The following PDE4B variants were observed in gnomAD, a reference collection of about 807,000 sequenced individuals.
The protein encoded by PDE4B is 3',5'-cyclic-AMP phosphodiesterase 4B.
In PDE4B, 20 loss-of-function variants were observed where a neutral mutation model predicts 82.2. The observed-to-expected ratio is 0.24, with a 90% CI of 0.17 to 0.35. PDE4B has a LOEUF of 0.35. Ranked by LOEUF, PDE4B falls within the 10% of genes least tolerant of loss-of-function variation. The pLI, the probability that PDE4B is intolerant of heterozygous loss-of-function variation, is 1.00. For synonymous variants in PDE4B, 320 were observed against 318.9 expected (o/e 1.00, Z -0.04); for missense variants, 655 against 907.2 (o/e 0.72, Z 3.57).
Position 66,319,128 on chromosome 1 carries a change from T to C in PDE4B, c.635-13380T>C, listed in dbSNP as rs185930681. 3.6e-3 allele frequency among the ~76,000 whole-genome samples: 553 copies of C among 152,366 alleles called. 1 individual carries two copies. Among genetic ancestry groups the C allele is most frequent in the Non-Finnish European group, 6.1e-3 (416 of 68,038 alleles). ...ATACAATGCGATTTTCATAAAGTGA[T>C]GTATCCAAGGTCGTGTGTGATCTGA... On this transcript the variant is annotated intron_variant, in intron 7 of 16. Coordinates refer to ENST00000341517, the MANE Select transcript of PDE4B (RefSeq NM_002600.4).
At chr1:65,997,104 T>C (rs2100694636) in intron 3 of PDE4B, among the ~76,000 whole-genome samples, 1 of 152,200 alleles carries the variant, frequency 6.6e-6, no homozygotes, top group Middle Eastern at 3.4e-3. Flanking sequence ...AGAAAGCTAC[T>C]GCAATGGTCT....
intron 3 of PDE4B, among the ~76,000 whole-genome samples, chr1:66,040,808 T>C (rs529742141): frequency 7.2e-5 from 11 of 151,876 alleles, no homozygotes; most frequent in African/African-American, 2.4e-4. Context: ...TCAAGTGTTA[T>C]AGTATAGAGG....
At chr1:65,833,659 C>A (rs534011964) in intron 1 of PDE4B, among the ~76,000 whole-genome samples, 1 of 152,172 alleles carries the variant, frequency 6.6e-6, no homozygotes, top group East Asian at 1.9e-4. Flanking sequence ...CAATGGATAA[C>A]CTCTTCTATT....
At chr1:66,009,093 C>G (rs72918207) in intron 3 of PDE4B, among the ~76,000 whole-genome samples, 226 of 152,292 alleles carry the variant, frequency 1.5e-3, no homozygotes, top group African/African-American at 5.1e-3. Context: ...CTTTCTCCCC[C>G]CTACACCATG....
chr1:65,888,659 C>G (rs1646818686), intron 1 of PDE4B, among the ~76,000 whole-genome samples: 1 of 152,040 alleles, frequency 6.6e-6, no homozygotes, highest in Non-Finnish European at 1.5e-5. Context: ...AGAGTTCTTT[C>G]ACTTCCTTGG....
chr1:65,848,019 T>C (rs969221271), intron 1 of PDE4B, among the ~76,000 whole-genome samples: 2 of 152,190 alleles, frequency 1.3e-5, no homozygotes, highest in Non-Finnish European at 2.9e-5. Context: ...GATGACTTCA[T>C]CCAAATTAAA....
intron 3 of PDE4B, among the ~76,000 whole-genome samples, chr1:65,971,273 A>G (rs1288833698): frequency 6.6e-6 from 1 of 152,084 alleles, no homozygotes; most frequent in Non-Finnish European, 1.5e-5. Context: ...TATTATGACT[A>G]TGTGCTTAGA....
chr1:65,949,743 T>G (rs1024468988), intron 3 of PDE4B, among the ~76,000 whole-genome samples: 1 of 152,100 alleles, frequency 6.6e-6, no homozygotes, highest in Non-Finnish European at 1.5e-5. Flanking sequence ...CTAAGATACC[T>G]GCCTCACTTG....
chr1:66,149,871 GATAA>G (rs1479751087), intron 3 of PDE4B, among the ~76,000 whole-genome samples: 8 of 152,000 alleles, frequency 5.3e-5, no homozygotes, highest in African/African-American at 1.4e-4. Flanking sequence ...TATAAAATAA[GATAA>G]ATAAAATGAA....
chr1:65,796,413 T>A (rs1400743699), intron 1 of PDE4B, among the ~76,000 whole-genome samples: 1 of 152,152 alleles, frequency 6.6e-6, no homozygotes, highest in Non-Finnish European at 1.5e-5. Flanking sequence ...TCATCATTTT[T>A]TTTTCTGGTA....
At chr1:66,193,921 C>T (rs1341152732) in intron 3 of PDE4B, among the ~76,000 whole-genome samples, 4 of 149,894 alleles carry the variant, frequency 2.7e-5, no homozygotes, top group Non-Finnish European at 4.4e-5. Context: ...GGCCATGTCA[C>T]ATTTGAACCA....
At position 65,929,947 on chromosome 1, in the gene PDE4B, A is replaced by G. The variant is rs185460073; in HGVS notation, c.281+11112A>G. 2.0e-5 allele frequency among the ~76,000 whole-genome samples: 3 copies of G among 152,304 alleles called. No homozygotes were observed. The East Asian group carries it at 5.8e-4, about 29-fold the overall frequency. On this transcript the variant is annotated intron_variant, in intron 3 of 16. Coordinates refer to ENST00000341517, the MANE Select transcript of PDE4B (RefSeq NM_002600.4). ...CTAATGAAAGAACTCCATTCTTAAA[A>G]TACTGTTCCTCTAGAACCATTCTTG...
rs547565842 is a variant in PDE4B, at chr1:66,175,344, ATGTGTAGTTCTG to A, written c.282-72114_282-72103del. On this transcript the variant is annotated intron_variant, in intron 3 of 16. Transcript: ENST00000341517. ...TTGACAACCATTAGGTTACAGTCCT[ATGTGTAGTTCTG>A]TTGTGAAGAATATTTTGTTAGCTAA... Among the ~76,000 whole-genome samples, 1,379 of 152,322 alleles carry A rather than the reference ATGTGTAGTTCTG, an allele frequency of 9.1e-3. 12 individuals are homozygous for A. The highest frequency in any genetic ancestry group is 0.014 in the Non-Finnish European group (926 of 68,026).
chr1:66,271,761 T>C (rs1304231343), intron 7 of PDE4B, among the ~76,000 whole-genome samples: 1 of 152,184 alleles, frequency 6.6e-6, no homozygotes, highest in Non-Finnish European at 1.5e-5. Context: ...TACCCCACTT[T>C]TAAAAATGAG....
Position 65,982,227 on chromosome 1 carries a change from G to A in PDE4B, c.281+63392G>A, listed in dbSNP as rs141517524. On this transcript the variant is annotated intron_variant, in intron 3 of 16. Transcript: ENST00000341517. ...TCCTTATTATAAAATAGAAAAGAAC[G>A]TGGCCTACTTGTGTTCTAGTTTCTT... is the stretch of plus-strand genomic sequence containing the variant. Among the ~76,000 whole-genome samples, 6 of 152,278 alleles carry A rather than the reference G, an allele frequency of 3.9e-5. No homozygotes were observed. In the East Asian group the frequency reaches 7.7e-4, roughly 20 times the overall value.
intron 3 of PDE4B, among the ~76,000 whole-genome samples, chr1:66,078,846 A>G (rs1482800024): frequency 6.6e-6 from 1 of 152,136 alleles, no homozygotes; most frequent in Non-Finnish European, 1.5e-5. Flanking sequence ...GAACCACTTT[A>G]TCACCTTCAT....
chr1:66,008,945 T>G (rs1265968724), intron 3 of PDE4B, among the ~76,000 whole-genome samples: 2 of 152,084 alleles, frequency 1.3e-5, no homozygotes, highest in East Asian at 3.9e-4. Flanking sequence ...AGTATCTCAA[T>G]CTAAATAACA....
intron 3 of PDE4B, among the ~76,000 whole-genome samples, chr1:66,157,542 G>T (rs1295616496): frequency 2.0e-5 from 3 of 152,090 alleles, no homozygotes; most frequent in Non-Finnish European, 4.4e-5. Flanking sequence ...TCCTCTACCA[G>T]ACCTTCTCAT....
At chr1:65,982,921 C>T (rs1650760798) in intron 3 of PDE4B, among the ~76,000 whole-genome samples, 1 of 152,168 alleles carries the variant, frequency 6.6e-6, no homozygotes, top group Non-Finnish European at 1.5e-5. Flanking sequence ...GGGGCCATCG[C>T]CTCATTGGTT....
Sources: allele counts gnomAD v4.1 joint callset (sites outside exome capture counted in the v4.1 genomes callset), GRCh38; gene constraint gnomAD v4.1.1; transcripts MANE v1.5; gene names NCBI Gene and HGNC (gene_info 2026-07-23, HGNC 2026-07-21).